The following MOGAT2 variants were observed in gnomAD, a reference collection of about 807,000 sequenced individuals.
MOGAT2 encodes 2-acylglycerol O-acyltransferase 2.
In MOGAT2, 27 loss-of-function variants were observed where a neutral mutation model predicts 31.5. That is an observed-to-expected ratio of 0.86 (90% CI 0.63 to 1.18). The LOEUF is 1.18. Among genes scored for constraint, MOGAT2 ranks in the 50% most tolerant of loss-of-function variants. The pLI is 0.00. For missense variants in MOGAT2, 436 were observed against 433.2 expected, an observed-to-expected ratio of 1.01 and a Z score of -0.06; for synonymous variants, 163 against 170.0, an observed-to-expected ratio of 0.96 and a Z score of 0.32.
At chr11:75,726,827 T>C (rs1944425601) in intron 2 of MOGAT2, among the ~76,000 whole-genome samples, 1 of 151,916 alleles carries the variant, frequency 6.6e-6, no homozygotes, top group Non-Finnish European at 1.5e-5. Flanking sequence ...GCCTCCCTAG[T>C]AGCTGGGATT....
chr11:75,722,911 C>T (rs2135732843), intron 2 of MOGAT2, among the ~76,000 whole-genome samples: 1 of 152,330 alleles, frequency 6.6e-6, no homozygotes, highest in Admixed American at 6.5e-5. Context: ...GGGACACAGG[C>T]CTCGATTTGC....
rs144383771 is a variant in MOGAT2, at chr11:75,731,214, G to A, written c.933G>A (p.Glu311=). The A allele has an allele frequency of 1.4e-4, 226 of 1,614,144 alleles. No individual in the cohort carries two copies. The African/African-American group carries it at 2.8e-3, about 20-fold the overall frequency. Residue 311 remains glutamate (E), a synonymous_variant, in exon 6 of 6, where the codon GAG becomes GAA. Transcript: ENST00000198801. ...VNQLHQRYIK[E]LCNLFEAHKL... is the part of the protein sequence containing the mutation. Reference sequence around the variant, plus strand: ...AGCTGCACCAGCGTTATATCAAAGAGCTGTGCAACCTCTTCGAGGCCCACA... The same window carrying A: ...AGCTGCACCAGCGTTATATCAAAGAACTGTGCAACCTCTTCGAGGCCCACA...
Position 75,720,754 on chromosome 11 carries a change from G to A in MOGAT2, c.270+584G>A, listed in dbSNP as rs188419811. 9.1e-4 allele frequency among the ~76,000 whole-genome samples: 139 copies of A among 152,162 alleles called. 1 individual carries two copies. The East Asian group carries it at 0.017, about 19-fold the overall frequency. On this transcript the variant is annotated intron_variant, in intron 2 of 5. Coordinates refer to ENST00000198801, the MANE Select transcript of MOGAT2 (RefSeq NM_025098.4). ...GGGCAAAGCTTTATCCTGTTCTGAG[G>A]CTCAGTCTCCCCATGTATCTAGTAA...
intron 2 of MOGAT2, 28 bp from the exon 3 acceptor site, chr11:75,727,407 C>T (rs754921412): frequency 1.2e-6 from 2 of 1,604,826 alleles, no homozygotes; most frequent in Admixed American, 3.3e-5. Flanking sequence ...AGGCCCCGCC[C>T]TGGCTCAGCA....
In MOGAT2 at chr11:75,727,436, T is replaced by C. The variant is rs1944430570; in HGVS notation, c.272T>C (p.Leu91Pro). The C allele has an allele frequency of 6.2e-7, 1 of 1,612,764 alleles. No individual in the cohort carries two copies. Among genetic ancestry groups the C allele is most frequent in the African/African-American group, 1.3e-5 (1 of 74,904 alleles). Residue 91 changes from leucine (L) to proline (P), a missense_variant and splice_region_variant, in exon 3 of 6, where the codon CTG (leucine) becomes CCG (proline). Transcript: ENST00000198801. ...KYMKDYFPIS[L>P]VKTAELDPSR... The stretch of plus-strand genomic sequence containing the variant: ...CTCAGCAGGTTGCCGTCCCTGCAGC[T>C]GGTCAAGACTGCTGAGCTGGACCCC...
chr11:75,726,958 G>A (rs1194696095), intron 2 of MOGAT2, among the ~76,000 whole-genome samples: 2 of 152,118 alleles, frequency 1.3e-5, no homozygotes, highest in East Asian at 1.9e-4. Flanking sequence ...CCAAAGTGCT[G>A]GGATTACAGG....
In MOGAT2 at chr11:75,727,557, C is replaced by T; in HGVS notation, c.393C>T (p.Ile131=). 1.9e-6 allele frequency: 3 copies of T among 1,614,230 alleles called. No homozygotes were observed. Among genetic ancestry groups the T allele is most frequent in the East Asian group, 2.2e-5 (1 of 44,884 alleles). ...LCTESTGFSS[I]FPGIRPHLMM... ...CTGAGAGCACAGGCTTCTCTTCGAT[C>T]TTCCCCGGTATCCGCCCCCATCTGA... The change falls in exon 3 of 6, where the codon ATC becomes ATT. Residue 131 remains isoleucine, a synonymous_variant. Coordinates refer to ENST00000198801, the MANE Select transcript of MOGAT2 (RefSeq NM_025098.4).
At chr11:75,729,041 T>G (rs768718260) in intron 5 of MOGAT2, 52 bp downstream of exon 5, 1 of 1,572,380 alleles carries the variant, frequency 6.4e-7, no homozygotes, top group Admixed American at 1.7e-5. Context: ...CAGGGCAGGT[T>G]GTGTGCTGCA....
intron 1 of MOGAT2, among the ~76,000 whole-genome samples, chr11:75,718,676 G>A (rs999180989): frequency 5.3e-5 from 8 of 152,182 alleles, no homozygotes; most frequent in African/African-American, 1.9e-4. Context: ...ACACTGGAGG[G>A]CATGAGCATG....
chr11:75,731,301 G>C lies in MOGAT2; in HGVS notation c.*15G>C. 6.2e-7 allele frequency: 1 copy of C among 1,612,770 alleles called. No individual in the cohort carries two copies. The highest frequency in any genetic ancestry group is 8.5e-7 in the Non-Finnish European group (1 of 1,179,282). On this transcript the variant is annotated 3_prime_UTR_variant, in exon 6 of 6. Coordinates refer to ENST00000198801, the MANE Select transcript of MOGAT2 (RefSeq NM_025098.4). ...AGTTCTGCTGAGCCCAAAGGGCAGGGCCAACATTAGGGAGCCCAGCAGGAG... is the reference window on the plus strand; with the variant it reads ...AGTTCTGCTGAGCCCAAAGGGCAGGCCCAACATTAGGGAGCCCAGCAGGAG...
intron 2 of MOGAT2, among the ~76,000 whole-genome samples, chr11:75,726,448 G>T (rs567720694): frequency 6.6e-6 from 1 of 152,034 alleles, no homozygotes; most frequent in Non-Finnish European, 1.5e-5. Context: ...TGATGCTCAC[G>T]TCCCTCGTAT....
At chr11:75,730,801 C>T (rs752513628) in intron 5 of MOGAT2, among the ~76,000 whole-genome samples, 4 of 150,960 alleles carry the variant, frequency 2.6e-5, no homozygotes, top group East Asian at 2.0e-4. Flanking sequence ...CCCAGCTACT[C>T]GGAAGGCTGA....
At chr11:75,721,581 C>T (rs1944377132) in intron 2 of MOGAT2, among the ~76,000 whole-genome samples, 1 of 152,102 alleles carries the variant, frequency 6.6e-6, no homozygotes, top group African/African-American at 2.4e-5. Flanking sequence ...CTGTGCCTGG[C>T]TAGCACTTTG....
chr11:75,725,173 T>G (rs941863865), intron 2 of MOGAT2, among the ~76,000 whole-genome samples: 3 of 152,202 alleles, frequency 2.0e-5, no homozygotes, highest in Non-Finnish European at 1.5e-5. Context: ...ATTGTGTTTA[T>G]GGAGGTGCAA....
At chr11:75,728,712 G>T (rs1414152801) in intron 4 of MOGAT2, 78 bp from the exon 5 acceptor site, 8 of 1,279,426 alleles carry the variant, frequency 6.3e-6, no homozygotes, top group Non-Finnish European at 7.9e-6. Context: ...CTGAGTCCCT[G>T]CAGGAAGCTA....
At chr11:75,725,724 C>G (rs1944416935) in intron 2 of MOGAT2, among the ~76,000 whole-genome samples, 1 of 152,186 alleles carries the variant, frequency 6.6e-6, no homozygotes, top group Non-Finnish European at 1.5e-5. Flanking sequence ...CAACAAGAAC[C>G]CTCAGGGAGT....
At chr11:75,729,106 A>G (rs1944450660) in intron 5 of MOGAT2, 117 bp downstream of exon 5, 2 of 932,690 alleles carry the variant, frequency 2.1e-6, no homozygotes, top group East Asian at 5.1e-5. Flanking sequence ...CTCACATTCT[A>G]GACTGGGAAA....
intron 2 of MOGAT2, among the ~76,000 whole-genome samples, chr11:75,724,527 C>G (rs769468268): frequency 2.6e-5 from 4 of 151,992 alleles, no homozygotes; most frequent in African/African-American, 4.8e-5. Flanking sequence ...AGTTCATGCT[C>G]GGTGGGCGCT....
intron 2 of MOGAT2, among the ~76,000 whole-genome samples, chr11:75,721,289 T>C (rs1253607823): frequency 6.6e-6 from 1 of 151,952 alleles, no homozygotes; most frequent in African/African-American, 2.4e-5. Flanking sequence ...TTGTAGGTTT[T>C]CTTTTTTTTT....
Sources: allele counts gnomAD v4.1 joint callset (sites outside exome capture counted in the v4.1 genomes callset), GRCh38; gene constraint gnomAD v4.1.1; transcripts MANE v1.5; gene names NCBI Gene and HGNC (gene_info 2026-07-23, HGNC 2026-07-21).